Variants in PCP4 observed in about 807,000 individuals in gnomAD.
PCP4 encodes calmodulin regulator protein PCP4.
A neutral mutation model predicts 10.0 loss-of-function variants in PCP4; 8 were observed. The observed-to-expected ratio is 0.80, with a 90% CI of 0.47 to 1.45. PCP4 has a LOEUF of 1.45. Among genes scored for constraint, PCP4 ranks in the 40% most tolerant of loss-of-function variants. PCP4 has a pLI of 0.00. For synonymous variants in PCP4, 21 were observed against 23.0 expected (o/e 0.91, Z 0.24); for missense variants, 54 against 74.4 (o/e 0.73, Z 1.01).
In PCP4 at chr21:39,910,449, C is replaced by T. The variant is rs767358658; in HGVS notation, c.61+11922C>T. The stretch of plus-strand genomic sequence containing the variant: ...GGCAGTTTGGATGGATGTGCACTCA[C>T]CAAAATCCAATTTCCCACCAGTCCA... On this transcript the variant is annotated intron_variant, in intron 2 of 2. Coordinates refer to ENST00000328619, the MANE Select transcript of PCP4 (RefSeq NM_006198.3). 2.3e-4 allele frequency among the ~76,000 whole-genome samples: 35 copies of T among 151,988 alleles called. 1 individual carries two copies. Among genetic ancestry groups the T allele is most frequent in the Non-Finnish European group, 8.8e-5 (6 of 68,014 alleles).
chr21:39,903,644 G>A (rs6517575), intron 2 of PCP4, among the ~76,000 whole-genome samples: 12,923 of 151,636 alleles, frequency 0.085, 712 homozygotes, highest in African/African-American at 0.14. Context: ...CGAGGCGGGC[G>A]GATCACGAGG....
chr21:39,917,370 A>G (rs191367986), intron 2 of PCP4, among the ~76,000 whole-genome samples: 324 of 152,102 alleles, frequency 2.1e-3, no homozygotes, highest in African/African-American at 7.7e-3. Context: ...TGCCTCTCCT[A>G]TCCTTCTAGT....
chr21:39,876,523 C>G (rs185127920), intron 1 of PCP4, among the ~76,000 whole-genome samples: 2 of 152,158 alleles, frequency 1.3e-5, no homozygotes, highest in Admixed American at 1.3e-4. Context: ...TGTAAATCCT[C>G]TTAATGGAAC....
chr21:39,903,695 C>T (rs1291577954), intron 2 of PCP4, among the ~76,000 whole-genome samples: 8 of 151,628 alleles, frequency 5.3e-5, no homozygotes, highest in Non-Finnish European at 1.0e-4. Context: ...GGTGAAACCC[C>T]GTCTCTACTA....
chr21:39,884,975 T>C (rs964244653), intron 1 of PCP4, among the ~76,000 whole-genome samples: 5 of 152,202 alleles, frequency 3.3e-5, no homozygotes, highest in Non-Finnish European at 7.3e-5. Flanking sequence ...CCGTTTTGAG[T>C]ATAGCATGAT....
At chr21:39,871,394 A>G (rs2087319364) in intron 1 of PCP4, among the ~76,000 whole-genome samples, 1 of 152,350 alleles carries the variant, frequency 6.6e-6, no homozygotes, top group African/African-American at 2.4e-5. Flanking sequence ...AAGGAGCTGT[A>G]TATTTTAGAC....
chr21:39,908,734 G>A (rs1036903288), intron 2 of PCP4, among the ~76,000 whole-genome samples: 3 of 152,190 alleles, frequency 2.0e-5, no homozygotes, highest in Non-Finnish European at 4.4e-5. Flanking sequence ...GGAGGCTGGA[G>A]TAGCTGCTAC....
In PCP4 at chr21:39,904,937, TCA is replaced by T. The variant is rs1214292449; in HGVS notation, c.61+6411_61+6412del. ...TTTGAGTATCCAGCTGCAACGTGTGTCAGAAATGTCAGAAAGGTTATAACTTT... is the reference window on the plus strand; with the variant it reads ...TTTGAGTATCCAGCTGCAACGTGTGTGAAATGTCAGAAAGGTTATAACTTT... On this transcript the variant is annotated intron_variant, in intron 2 of 2. Transcript: ENST00000328619. Among the ~76,000 whole-genome samples, 15 of 152,258 alleles carry T rather than the reference TCA, an allele frequency of 9.9e-5. No homozygotes were observed. The East Asian group carries it at 2.9e-3, about 29-fold the overall frequency.
chr21:39,878,695 T>A (rs2087357802), intron 1 of PCP4, among the ~76,000 whole-genome samples: 1 of 152,228 alleles, frequency 6.6e-6, no homozygotes, highest in African/African-American at 2.4e-5. Context: ...GTATGTCTGT[T>A]ATTTCCCTTT....
chr21:39,892,121 G>A (rs558449390), intron 1 of PCP4, among the ~76,000 whole-genome samples: 2 of 152,296 alleles, frequency 1.3e-5, no homozygotes, highest in South Asian at 2.1e-4. Context: ...TGGCGTTACC[G>A]CTTGATCAAG....
chr21:39,875,282 G>T (rs147924238), intron 1 of PCP4, among the ~76,000 whole-genome samples: 10 of 149,486 alleles, frequency 6.7e-5, no homozygotes, highest in African/African-American at 2.2e-4. Context: ...GTTATGCAGA[G>T]AAATCTCTGA....
chr21:39,917,853 A>C (rs2087576679), intron 2 of PCP4, among the ~76,000 whole-genome samples: 1 of 152,132 alleles, frequency 6.6e-6, no homozygotes, highest in Non-Finnish European at 1.5e-5. Context: ...ATTTGGAGAT[A>C]GGGTCTTTAT....
intron 2 of PCP4, chr21:39,925,899 G>C (rs974422948): frequency 5.7e-5 from 21 of 367,974 alleles, no homozygotes; most frequent in African/African-American, 4.0e-4. Flanking sequence ...GCCTGGCTGT[G>C]GTCCCTTCCC....
chr21:39,899,282 C>T (rs1475222890), intron 2 of PCP4, among the ~76,000 whole-genome samples: 1 of 152,168 alleles, frequency 6.6e-6, no homozygotes, highest in Admixed American at 6.5e-5. Flanking sequence ...AGGGCCACAG[C>T]ATAGTTCCGG....
chr21:39,917,813 C>T (rs2087576449), intron 2 of PCP4, among the ~76,000 whole-genome samples: 1 of 152,112 alleles, frequency 6.6e-6, no homozygotes, highest in African/African-American at 2.4e-5. Context: ...TGTTGAAGCC[C>T]TAATCTCCAT....
At chr21:39,910,838 T>G (rs1331758986) in intron 2 of PCP4, among the ~76,000 whole-genome samples, 2 of 152,224 alleles carry the variant, frequency 1.3e-5, no homozygotes, top group Non-Finnish European at 2.9e-5. Context: ...CCAATAAACC[T>G]CATCCGACTC....
At chr21:39,895,370 C>G (rs1379666659) in intron 1 of PCP4, among the ~76,000 whole-genome samples, 1 of 152,202 alleles carries the variant, frequency 6.6e-6, no homozygotes, top group Non-Finnish European at 1.5e-5. Context: ...TCTGCTTATT[C>G]CTAAAAGCCA....
chr21:39,923,176 A>C (rs561126340), intron 2 of PCP4, among the ~76,000 whole-genome samples: 1 of 152,344 alleles, frequency 6.6e-6, no homozygotes, highest in South Asian at 2.1e-4. Context: ...AATACTTCTT[A>C]AAAGGAAAAG....
chr21:39,878,660 G>A (rs2087357635), intron 1 of PCP4, among the ~76,000 whole-genome samples: 1 of 152,216 alleles, frequency 6.6e-6, no homozygotes, highest in African/African-American at 2.4e-5. Flanking sequence ...TGATCCAATT[G>A]TGAGAACTGT....
Sources: gnomAD v4.1 joint callset for allele counts (sites outside exome capture counted in the v4.1 genomes callset) on GRCh38, gnomAD v4.1.1 for gene constraint, MANE v1.5 for transcripts, NCBI Gene and HGNC (gene_info 2026-07-23, HGNC 2026-07-21) for gene names.